Variants in SLC25A13 observed in about 807,000 individuals in gnomAD.
SLC25A13 encodes the protein electrogenic aspartate/glutamate antiporter SLC25A13, mitochondrial.
Under a neutral mutation model 85.5 loss-of-function variants are expected in SLC25A13, and 70 were observed. That is an observed-to-expected ratio of 0.82 (90% CI 0.68 to 1.00). The LOEUF (loss-of-function observed/expected upper bound fraction) is 1.00. Ranked by LOEUF, SLC25A13 falls within the 50% of genes least tolerant of loss-of-function variation. The probability of loss-of-function intolerance (pLI) is 0.00; values close to 1 mark genes in which losing one functional copy is unlikely to be tolerated. For synonymous variants in SLC25A13, 259 were observed against 288.7 expected (o/e 0.90, Z 1.04); for missense variants, 765 against 819.8 (o/e 0.93, Z 0.82).
chr7:96,320,965 T>A (rs1346190231), intron 1 of SLC25A13, among the ~76,000 whole-genome samples: 1 of 152,216 alleles, frequency 6.6e-6, no homozygotes, highest in Non-Finnish European at 1.5e-5. Flanking sequence ...TATATTTAAG[T>A]TCACTGCACT....
intron 2 of SLC25A13, among the ~76,000 whole-genome samples, chr7:96,288,069 A>G (rs573176630): frequency 2.6e-4 from 39 of 152,330 alleles, no homozygotes; most frequent in African/African-American, 8.7e-4. Context: ...CAGCTTAGGT[A>G]AGGAACAAAT....
intron 15 of SLC25A13, among the ~76,000 whole-genome samples, chr7:96,127,245 T>C (rs1253269927): frequency 1.3e-5 from 2 of 152,228 alleles, no homozygotes; most frequent in African/African-American, 4.8e-5. Flanking sequence ...AAGCACCATG[T>C]TAATTATAGA....
intron 3 of SLC25A13, among the ~76,000 whole-genome samples, chr7:96,238,447 C>T (rs572272922): frequency 8.6e-5 from 13 of 151,650 alleles, no homozygotes; most frequent in Non-Finnish European, 1.2e-4. Context: ...TTACAGCAGC[C>T]TGAGGAAACT....
intron 2 of SLC25A13, among the ~76,000 whole-genome samples, chr7:96,291,927 ATGAGGCC>A (rs1467095326): frequency 6.6e-6 from 1 of 152,224 alleles, no homozygotes; most frequent in Non-Finnish European, 1.5e-5. Context: ...AACTCATTTT[ATGAGGCC>A]AGCCATCATC....
At chr7:96,246,607 C>G (rs1797200262) in intron 3 of SLC25A13, among the ~76,000 whole-genome samples, 1 of 152,148 alleles carries the variant, frequency 6.6e-6, no homozygotes, top group East Asian at 1.9e-4. Context: ...CAAAATTATA[C>G]TGATTCCTCT....
rs751195180 is a variant in SLC25A13 at position 96,170,073 on chromosome 7, A to G, written c.1283T>C (p.Leu428Pro). The change falls in exon 13 of 18, where the codon CTT (leucine) becomes CCT (proline). Residue 428 changes from leucine (L) to proline (P), a missense_variant. Physicochemically the swap from Leu to Pro is moderately conservative, Grantham distance 98. Transcript: ENST00000265631. Reference sequence around the variant, plus strand: ...GCCTCCAGCAAGAATTTCTGCTGCAAGTGGGACCGAACCATCTTTGTGCAT... The same window carrying G: ...GCCTCCAGCAAGAATTTCTGCTGCAGGTGGGACCGAACCATCTTTGTGCAT... ...KFMHKDGSVP[L>P]AAEILAGGCA... is the part of the protein sequence containing the mutation. 4 of 1,614,224 alleles carry G rather than the reference A, an allele frequency of 2.5e-6. No individual in the cohort carries two copies. The East Asian group carries it at 8.9e-5, about 36-fold the overall frequency.
chr7:96,310,178 A>G (rs922072865), intron 1 of SLC25A13, among the ~76,000 whole-genome samples: 1 of 152,172 alleles, frequency 6.6e-6, no homozygotes, highest in Admixed American at 6.5e-5. Flanking sequence ...ATCTTTTAAT[A>G]TGGTCCCCAT....
intron 3 of SLC25A13, among the ~76,000 whole-genome samples, chr7:96,272,859 C>A (rs1177724189): frequency 1.3e-5 from 2 of 152,184 alleles, no homozygotes; most frequent in Admixed American, 6.5e-5. Context: ...AAAATCGCCA[C>A]CTTTTAAACA....
At chr7:96,275,695 A>T (rs759910972) in intron 3 of SLC25A13, among the ~76,000 whole-genome samples, 1 of 151,144 alleles carries the variant, frequency 6.6e-6, no homozygotes, top group African/African-American at 2.4e-5. Context: ...ATGAGAACAC[A>T]TGGACACAGG....
At chr7:96,311,848 A>G (rs1457469988) in intron 1 of SLC25A13, among the ~76,000 whole-genome samples, 1 of 152,182 alleles carries the variant, frequency 6.6e-6, no homozygotes, top group African/African-American at 2.4e-5. Flanking sequence ...ACTGACCTCT[A>G]TGTTAAACAA....
At chr7:96,150,265 G>A (rs750916364) in intron 13 of SLC25A13, among the ~76,000 whole-genome samples, 1 of 152,016 alleles carries the variant, frequency 6.6e-6, no homozygotes, top group Non-Finnish European at 1.5e-5. Flanking sequence ...TTCAAAGTTT[G>A]TCCTAGAACT....
chr7:96,283,873 C>CACTCCCTCAAAGAAATATTTAAAGCAA (rs1306647784), intron 2 of SLC25A13: 37 of 146,354 alleles, frequency 2.5e-4, no homozygotes, highest in African/African-American at 9.4e-4. Flanking sequence ...ATGTGGTGTC[C>CACTCCCTCAAAGAAATATTTAAAGCAA]ACTCCCTCAA....
At chr7:96,172,883 C>A (rs1028423686) in intron 11 of SLC25A13, among the ~76,000 whole-genome samples, 4 of 152,046 alleles carry the variant, frequency 2.6e-5, no homozygotes, top group African/African-American at 9.7e-5. Context: ...CTCAGCCTCC[C>A]GAGTAGCTGG....
chr7:96,321,611 G>A (rs1293251682), intron 1 of SLC25A13, among the ~76,000 whole-genome samples: 1 of 152,178 alleles, frequency 6.6e-6, no homozygotes, highest in Non-Finnish European at 1.5e-5. Flanking sequence ...GCGCTTGCCG[G>A]CCCAGGGTGC....
intron 15 of SLC25A13, among the ~76,000 whole-genome samples, chr7:96,131,329 T>C (rs1419548247): frequency 6.6e-6 from 1 of 152,240 alleles, no homozygotes; most frequent in Non-Finnish European, 1.5e-5. Flanking sequence ...ATTTCTTTTC[T>C]CTAACTATTG....
chr7:96,209,482 C>A (rs577088966), intron 4 of SLC25A13, among the ~76,000 whole-genome samples: 1 of 152,142 alleles, frequency 6.6e-6, no homozygotes, highest in East Asian at 1.9e-4. Flanking sequence ...ATATTTAACA[C>A]CCCTAAGGCT....
At chr7:96,217,587 A>G (rs2116747424) in intron 4 of SLC25A13, among the ~76,000 whole-genome samples, 2 of 152,344 alleles carry the variant, frequency 1.3e-5, no homozygotes, top group Middle Eastern at 6.8e-3. Flanking sequence ...TACATCATGG[A>G]TGAGCCTTGG....
chr7:96,279,372 C>T lies in SLC25A13; in HGVS notation c.70-2034G>A, dbSNP rs998451329. ...TCTTACACTGCTAATAAAGACATAC[C>T]TGCGACTGGGTAATTTATAAATAAA... On this transcript the variant is annotated intron_variant, in intron 2 of 17. Transcript: ENST00000265631. 8.5e-5 allele frequency among the ~76,000 whole-genome samples: 13 copies of T among 152,108 alleles called. No homozygotes were observed. The East Asian group carries it at 9.6e-4, about 11-fold the overall frequency.
chr7:96,206,726 A>T (rs1403468818), intron 5 of SLC25A13, among the ~76,000 whole-genome samples: 1 of 152,178 alleles, frequency 6.6e-6, no homozygotes, highest in African/African-American at 2.4e-5. Context: ...TTATAAGTCA[A>T]ATTTAAGTGA....
Sources: allele counts gnomAD v4.1 joint callset (sites outside exome capture counted in the v4.1 genomes callset), GRCh38; gene constraint gnomAD v4.1.1; transcripts MANE v1.5; gene names NCBI Gene and HGNC (gene_info 2026-07-23, HGNC 2026-07-21).